The following SHISA6 variants were observed in gnomAD, a reference collection of about 807,000 sequenced individuals.
The protein encoded by SHISA6 is protein shisa-6.
A neutral mutation model predicts 47.9 loss-of-function variants in SHISA6; 22 were observed. That is an observed-to-expected ratio of 0.46 (90% CI 0.33 to 0.66). The LOEUF (loss-of-function observed/expected upper bound fraction) is 0.66. SHISA6 is among the 30% of genes least tolerant of loss of function. The pLI is 0.02. For missense variants in SHISA6, 680 were observed against 764.6 expected, an observed-to-expected ratio of 0.89 and a Z score of 1.30; for synonymous variants, 388 against 337.8, an observed-to-expected ratio of 1.15 and a Z score of -1.63.
Position 11,241,314 on chromosome 17 carries a change from A to T in SHISA6, c.-109A>T. 1.5e-6 allele frequency: 1 copy of T among 651,072 alleles called. No homozygotes were observed. The highest frequency in any genetic ancestry group is 1.9e-6 in the Non-Finnish European group (1 of 525,608). 40.3% of individuals were successfully genotyped at this position (651,072 alleles called of 1,614,324 possible). A position where few individuals can be genotyped will look rare whatever the true frequency, so the allele number is the denominator to read the frequency against. On this transcript the variant is annotated 5_prime_UTR_variant, in exon 1 of 6. It removes the in-frame stop codon of an upstream open reading frame in the 5' UTR. Transcript: ENST00000441885. This position sits in a 1 kb window ranked among gnomAD's most constrained non-coding sequence, Gnocchi z 5.5. ...TGGCGCCATCGCCCCGGAGCCGCTG[A>T]CCGCTCAGCGCCTCCAGCCCGGCCC...
intron 1 of SHISA6, among the ~76,000 whole-genome samples, chr17:11,262,754 T>C (rs1029793245): frequency 3.3e-5 from 5 of 152,230 alleles, no homozygotes; most frequent in Non-Finnish European, 5.9e-5. Context: ...ATTTTTCCCC[T>C]GTGTTTGTGA....
chr17:11,479,492 G>T (rs1465975877), intron 3 of SHISA6, among the ~76,000 whole-genome samples: 2 of 152,012 alleles, frequency 1.3e-5, no homozygotes, highest in Non-Finnish European at 2.9e-5. Flanking sequence ...GAGAGCATTA[G>T]GACAAATACC....
intron 1 of SHISA6, among the ~76,000 whole-genome samples, chr17:11,252,490 G>A (rs765054233): frequency 6.6e-6 from 1 of 152,148 alleles, no homozygotes; most frequent in Non-Finnish European, 1.5e-5. Context: ...AAGGCTTGGC[G>A]GAGGGAGGGG....
intron 3 of SHISA6, among the ~76,000 whole-genome samples, chr17:11,388,626 C>G (rs1913269427): frequency 1.3e-5 from 2 of 151,306 alleles, no homozygotes; most frequent in Non-Finnish European, 2.9e-5. Flanking sequence ...TAAGTCTTAC[C>G]CTTAGGAAAA....
chr17:11,513,554 G>A (rs1015217580), intron 3 of SHISA6, among the ~76,000 whole-genome samples: 8 of 152,160 alleles, frequency 5.3e-5, no homozygotes, highest in African/African-American at 1.9e-4. Context: ...TCTGGAAGCT[G>A]ACTTGCATAA....
intron 2 of SHISA6, among the ~76,000 whole-genome samples, chr17:11,325,105 C>G (rs1189363582): frequency 1.3e-5 from 2 of 152,124 alleles, no homozygotes; most frequent in Admixed American, 1.3e-4. Context: ...AGATGGCAGC[C>G]TTGACATGTC....
rs572585343 is a variant in SHISA6, at chr17:11,558,320, C to T, written c.*16C>T. 330 of 1,534,152 alleles carry T rather than the reference C, an allele frequency of 2.2e-4. 1 individual carries two copies. The highest frequency in any genetic ancestry group is 2.0e-3 in the African/African-American group (143 of 73,154). ...GACCGTGTGACCGGCGGGGCAGGGC[C>T]GGGGCTGCTGGGCGTGGCAGAGCAG... On this transcript the variant is annotated 3_prime_UTR_variant, in exon 6 of 6. Transcript: ENST00000441885.
intron 2 of SHISA6, among the ~76,000 whole-genome samples, chr17:11,362,310 C>CT (rs1343278818): frequency 6.6e-6 from 1 of 152,080 alleles, no homozygotes; most frequent in East Asian, 1.9e-4. Flanking sequence ...CAGCTAATTT[C>CT]TTTAAGTTTT....
At chr17:11,276,224 C>T (rs1004310602) in intron 2 of SHISA6, among the ~76,000 whole-genome samples, 2 of 151,940 alleles carry the variant, frequency 1.3e-5, no homozygotes, top group East Asian at 1.9e-4. Flanking sequence ...GTGATCCGCC[C>T]GTCTCAGCCT....
intron 2 of SHISA6, among the ~76,000 whole-genome samples, chr17:11,324,162 G>A (rs1311163358): frequency 6.6e-6 from 1 of 152,064 alleles, no homozygotes; most frequent in Non-Finnish European, 1.5e-5. Context: ...CTCAGCTTTG[G>A]TGCCGCGTTT....
rs1030590972 is a variant in SHISA6, at chr17:11,416,815, T to C, written c.895+37306T>C. The stretch of plus-strand genomic sequence containing the variant: ...TGAATTGGGGGAGAAAGCTAACATT[T>C]TGGGAGTGTTTACCTGATGTAAGTC... On this transcript the variant is annotated intron_variant, in intron 3 of 5. Coordinates refer to ENST00000441885, the MANE Select transcript of SHISA6 (RefSeq NM_207386.4). Among the ~76,000 whole-genome samples the C allele has an allele frequency of 5.9e-5, 9 of 152,304 alleles. No homozygotes were observed. In the East Asian group the frequency reaches 1.5e-3, roughly 26 times the overall value.
At chr17:11,376,896 G>A (rs866589802) in intron 2 of SHISA6, among the ~76,000 whole-genome samples, 2 of 152,172 alleles carry the variant, frequency 1.3e-5, no homozygotes, top group African/African-American at 4.8e-5. Context: ...GGGACCCTGC[G>A]ATCTGTGCCA....
intron 3 of SHISA6, among the ~76,000 whole-genome samples, chr17:11,496,751 A>AG (rs2071412415): frequency 6.6e-6 from 1 of 151,546 alleles, no homozygotes; most frequent in Non-Finnish European, 1.5e-5. Context: ...AAAAAAAGAA[A>AG]AAAAAAAAAA....
Position 11,257,503 on chromosome 17 carries a change from A to G in SHISA6, c.639-5863A>G, listed in dbSNP as rs1376883154. 2.0e-5 allele frequency among the ~76,000 whole-genome samples: 3 copies of G among 152,106 alleles called. No individual in the cohort carries two copies. The East Asian group carries it at 5.8e-4, about 30-fold the overall frequency. On this transcript the variant is annotated intron_variant, in intron 1 of 5. Coordinates refer to ENST00000441885, the MANE Select transcript of SHISA6 (RefSeq NM_207386.4). ...TGGTGAAACTCTGTCTCTACAAAAA[A>G]TTAAAAAATTAGCTGGGTGTGGTGG...
intron 3 of SHISA6, among the ~76,000 whole-genome samples, chr17:11,459,028 G>A (rs999826228): frequency 6.7e-6 from 1 of 150,208 alleles, no homozygotes. Flanking sequence ...TGGCTAACAC[G>A]GTGAAACCCC....
chr17:11,366,000 G>A (rs915631225), intron 2 of SHISA6, among the ~76,000 whole-genome samples: 1 of 152,210 alleles, frequency 6.6e-6, no homozygotes. Context: ...AACTGCAAGT[G>A]CAAAGGATGT....
chr17:11,267,745 G>A (rs868374934), intron 2 of SHISA6, among the ~76,000 whole-genome samples: 9 of 152,128 alleles, frequency 5.9e-5, no homozygotes, highest in Non-Finnish European at 1.2e-4. Flanking sequence ...TGTGGCTGTC[G>A]TAACCAGTCC....
chr17:11,277,264 T>A (rs1908940047), intron 2 of SHISA6, among the ~76,000 whole-genome samples: 1 of 107,386 alleles, frequency 9.3e-6, no homozygotes, highest in East Asian at 4.0e-4. Flanking sequence ...TCTCTCTCTC[T>A]CTCTCTCTCT....
chr17:11,360,763 T>A (rs35490494), intron 2 of SHISA6, among the ~76,000 whole-genome samples: 68,781 of 149,840 alleles, frequency 0.46, 15,994 homozygotes, highest in Middle Eastern at 0.54. Context: ...AAATCTTCAC[T>A]TTCTGCCCAT....
Sources: gnomAD v4.1 joint callset for allele counts (sites outside exome capture counted in the v4.1 genomes callset) on GRCh38, gnomAD v4.1.1 for gene constraint, Gnocchi (gnomAD v3.1) non-coding constraint, MANE v1.5 for transcripts, NCBI Gene and HGNC (gene_info 2026-07-23, HGNC 2026-07-21) for gene names.